TMEM38B: variants seen among roughly 807,000 people sequenced by gnomAD.
The protein encoded by TMEM38B is transmembrane protein 38B.
Under a neutral mutation model 28.7 loss-of-function variants are expected in TMEM38B, and 24 were observed. The ratio of observed to expected loss-of-function variants is 0.84; its 90% CI spans 0.61 to 1.18. TMEM38B has a LOEUF of 1.18. Among genes scored for constraint, TMEM38B ranks in the 50% most tolerant of loss-of-function variants. The pLI is 0.00. For synonymous variants in TMEM38B, 131 were observed against 127.7 expected (o/e 1.03, Z -0.17); for missense variants, 380 against 350.9 (o/e 1.08, Z -0.66).
intron 5 of TMEM38B, among the ~76,000 whole-genome samples, chr9:105,761,795 A>G (rs190363270): frequency 5.3e-5 from 8 of 152,334 alleles, no homozygotes; most frequent in Admixed American, 4.6e-4. Flanking sequence ...TCTAGGGATT[A>G]GTATTTCTTT....
chr9:105,743,969 A>G (rs572342539), intron 4 of TMEM38B, among the ~76,000 whole-genome samples: 1 of 152,272 alleles, frequency 6.6e-6, no homozygotes, highest in East Asian at 1.9e-4. Flanking sequence ...CAGAATATGT[A>G]TGGTTATTCT....
rs73522022 is a variant in TMEM38B at position 105,774,107 on chromosome 9, A to C, written c.*27A>C. The C allele has an allele frequency of 0.013, 20,890 of 1,592,630 alleles. 491 individuals are homozygous for C. The highest frequency in any genetic ancestry group is 0.11 in the African/African-American group (7,776 of 73,540). ...TTTACGTGATGAGCTCTACAAGGCC[A>C]AAAATTTTTTTTCTTATCTACCTGT... On this transcript the variant is annotated 3_prime_UTR_variant, in exon 6 of 6. Transcript: ENST00000374692.
At position 105,766,896 on chromosome 9, in the gene TMEM38B, C is replaced by T. The variant is rs1398321655; in HGVS notation, c.661-6969C>T. On this transcript the variant is annotated intron_variant, in intron 5 of 5. Transcript: ENST00000374692. ...TTAGTGCTATCCCTCCCCCCTCCCC[C>T]CACCCCACGACAGGCCCCGGTGTGT... 3.1e-5 allele frequency among the ~76,000 whole-genome samples: 4 copies of T among 129,194 alleles called. No individual in the cohort carries two copies. The Admixed American group carries it at 3.2e-4, about 10-fold the overall frequency. 84.8% of individuals were successfully genotyped at this position (129,194 alleles called of 152,430 possible). A position where few individuals can be genotyped will look rare whatever the true frequency, so the allele number is the denominator to read the frequency against.
intron 4 of TMEM38B, among the ~76,000 whole-genome samples, chr9:105,735,452 A>C (rs1020844287): frequency 1.3e-5 from 2 of 152,232 alleles, no homozygotes; most frequent in Non-Finnish European, 1.5e-5. Context: ...GGCACTCTTA[A>C]GCATTTCTTG....
chr9:105,746,614 G>T (rs1837404824), intron 4 of TMEM38B, among the ~76,000 whole-genome samples: 1 of 152,122 alleles, frequency 6.6e-6, no homozygotes, highest in African/African-American at 2.4e-5. Flanking sequence ...CCAACACTAT[G>T]TTGAATAGGA....
chr9:105,705,564 G>T, intron 1 of TMEM38B, 33 bp from the exon 2 acceptor site: 24 of 1,589,142 alleles, frequency 1.5e-5, no homozygotes, highest in Non-Finnish European at 2.1e-5. Context: ...AATGTATAAT[G>T]ATCACAGACC....
At chr9:105,772,657 T>C (rs979954317) in intron 5 of TMEM38B, among the ~76,000 whole-genome samples, 12 of 152,074 alleles carry the variant, frequency 7.9e-5, no homozygotes, top group Non-Finnish European at 8.8e-5. Context: ...GGCATGTATT[T>C]AAAAAAATTT....
At chr9:105,720,629 T>C (rs2133575672) in intron 2 of TMEM38B, among the ~76,000 whole-genome samples, 1 of 152,236 alleles carries the variant, frequency 6.6e-6, no homozygotes, top group African/African-American at 2.4e-5. Context: ...TTCATGAACA[T>C]TGAAGAATTC....
chr9:105,723,319 T>C (rs900930932), intron 4 of TMEM38B, among the ~76,000 whole-genome samples: 21 of 152,288 alleles, frequency 1.4e-4, no homozygotes, highest in African/African-American at 4.6e-4. Context: ...CCTCTTAGGC[T>C]CAAGTAATCC....
chr9:105,757,231 A>T (rs1022104800), intron 5 of TMEM38B, among the ~76,000 whole-genome samples: 57 of 152,300 alleles, frequency 3.7e-4, no homozygotes, highest in African/African-American at 1.3e-3. Context: ...AAATGCCATT[A>T]TTTTATTATT....
At chr9:105,755,242 T>C (rs1013700741) in intron 5 of TMEM38B, among the ~76,000 whole-genome samples, 1 of 152,170 alleles carries the variant, frequency 6.6e-6, no homozygotes. Flanking sequence ...CTACTGAATC[T>C]AGTCCAAAAT....
rs1187056084 is a variant in TMEM38B at position 105,775,631 on chromosome 9, G to C, written c.*1551G>C. 2 of 151,954 alleles carry C rather than the reference G, an allele frequency of 1.3e-5. No individual in the cohort carries two copies. The highest frequency in any genetic ancestry group is 2.9e-5 in the Non-Finnish European group (2 of 67,978). The allele number at this position is 151,954 out of a possible 1,614,324, so 9.4% of individuals were successfully genotyped here. On this transcript the variant is annotated 3_prime_UTR_variant, in exon 6 of 6. Coordinates refer to ENST00000374692, the MANE Select transcript of TMEM38B (RefSeq NM_018112.3). ...TTTATTTTTAATATTGTGACAGAAA[G>C]CTTTAAGTATTTAAGAGCTCTGTAT...
intron 4 of TMEM38B, among the ~76,000 whole-genome samples, chr9:105,741,773 A>G (rs984281885): frequency 2.0e-5 from 3 of 152,202 alleles, no homozygotes; most frequent in African/African-American, 7.2e-5. Flanking sequence ...CTACTAACCA[A>G]ACAAATAAAA....
intron 5 of TMEM38B, among the ~76,000 whole-genome samples, chr9:105,765,294 A>T (rs548512146): frequency 3.5e-4 from 54 of 152,324 alleles, no homozygotes; most frequent in Non-Finnish European, 2.9e-4. Context: ...ATTAGAAATG[A>T]GCTCCTTTAA....
intron 5 of TMEM38B, among the ~76,000 whole-genome samples, chr9:105,751,978 A>T (rs1445943778): frequency 6.6e-6 from 1 of 151,712 alleles, no homozygotes; most frequent in African/African-American, 2.4e-5. Context: ...GGTTTGGTAG[A>T]CTCAGCTGCT....
At chr9:105,763,198 T>C (rs1838129411) in intron 5 of TMEM38B, among the ~76,000 whole-genome samples, 1 of 151,920 alleles carries the variant, frequency 6.6e-6, no homozygotes, top group South Asian at 2.1e-4. Context: ...TTTTCTCCCA[T>C]TTTGTAGGTT....
At chr9:105,703,744 G>C (rs9695674) in intron 1 of TMEM38B, among the ~76,000 whole-genome samples, 27,302 of 150,830 alleles carry the variant, frequency 0.18, 3,934 homozygotes, top group East Asian at 0.46. Context: ...GCCATTCTAA[G>C]TGGTGTGAGA....
intron 5 of TMEM38B, among the ~76,000 whole-genome samples, chr9:105,769,237 C>G (rs1180595737): frequency 6.6e-6 from 1 of 152,174 alleles, no homozygotes; most frequent in Non-Finnish European, 1.5e-5. Context: ...ATGTGGAACT[C>G]ATACTTGAGA....
chr9:105,746,904 C>T (rs1837420501), intron 4 of TMEM38B, among the ~76,000 whole-genome samples: 1 of 152,172 alleles, frequency 6.6e-6, no homozygotes, highest in Non-Finnish European at 1.5e-5. Context: ...GTGGAACCAG[C>T]CTTGCATCCC....
Sources: gnomAD v4.1 joint callset for allele counts (sites outside exome capture counted in the v4.1 genomes callset) on GRCh38, gnomAD v4.1.1 for gene constraint, MANE v1.5 for transcripts, NCBI Gene and HGNC (gene_info 2026-07-23, HGNC 2026-07-21) for gene names.